Variants in TMOD3 observed in about 807,000 individuals in gnomAD.
The protein encoded by TMOD3 is tropomodulin 3, also known as tropomodulin-3.
Under a neutral mutation model 39.2 loss-of-function variants are expected in TMOD3, and 20 were observed. The ratio of observed to expected loss-of-function variants is 0.51; its 90% CI spans 0.36 to 0.74. The LOEUF (loss-of-function observed/expected upper bound fraction) is 0.74, where lower values mean the gene tolerates loss of function less well. Among genes scored for constraint, TMOD3 ranks in the 30% least tolerant of loss-of-function variants. The pLI is 0.00. For synonymous variants in TMOD3, 143 were observed against 145.8 expected, an observed-to-expected ratio of 0.98 and a Z score of 0.14; for missense variants, 381 against 412.8, an observed-to-expected ratio of 0.92 and a Z score of 0.67.
At chr15:51,862,563 T>C (rs918700419) in intron 1 of TMOD3, among the ~76,000 whole-genome samples, 10 of 152,236 alleles carry the variant, frequency 6.6e-5, no homozygotes, top group Non-Finnish European at 2.9e-5. Context: ...AAATTCTAAA[T>C]TCTATCAAGT....
At chr15:51,859,326 C>A (rs771388842) in intron 1 of TMOD3, 75 of 723,116 alleles carry the variant, frequency 1.0e-4, no homozygotes, top group Non-Finnish European at 1.9e-4. Flanking sequence ...TTCCTTGATA[C>A]AATCCACCCA....
rs1203996591 is a variant in TMOD3, at chr15:51,913,421, T to G, written c.*4611T>G. On this transcript the variant is annotated 3_prime_UTR_variant, in exon 10 of 10. Transcript: ENST00000308580. Reference sequence around the variant, plus strand: ...TTTCAGATTAGGGATGCTGAACTGGTGTAATGCCCAGTATTCCAAAATCCA... The same window carrying G: ...TTTCAGATTAGGGATGCTGAACTGGGGTAATGCCCAGTATTCCAAAATCCA... 6.6e-6 allele frequency: 1 copy of G among 152,202 alleles called. No individual in the cohort carries two copies. Among genetic ancestry groups the G allele is most frequent in the Non-Finnish European group, 1.5e-5 (1 of 68,040 alleles). The allele number at this position is 152,202 out of a possible 1,614,324, so 9.4% of individuals were successfully genotyped here. A position where few individuals can be genotyped will look rare whatever the true frequency, so the allele number is the denominator to read the frequency against.
At chr15:51,891,395 A>C (rs536126128) in intron 5 of TMOD3, among the ~76,000 whole-genome samples, 2 of 152,056 alleles carry the variant, frequency 1.3e-5, no homozygotes, top group Non-Finnish European at 2.9e-5. Flanking sequence ...TGTTAGTTCT[A>C]GTGGCTTGAT....
intron 1 of TMOD3, among the ~76,000 whole-genome samples, chr15:51,840,477 A>G (rs1011939169): frequency 6.6e-6 from 1 of 152,236 alleles, no homozygotes; most frequent in Non-Finnish European, 1.5e-5. Flanking sequence ...TAACAAATTA[A>G]CATATCAATC....
intron 9 of TMOD3, among the ~76,000 whole-genome samples, chr15:51,905,436 G>A (rs947534808): frequency 2.6e-5 from 4 of 151,726 alleles, no homozygotes; most frequent in African/African-American, 4.8e-5. Context: ...GCAGTGAGCC[G>A]AGATTGCACC....
chr15:51,887,579 T>C lies in TMOD3; in HGVS notation c.284-10T>C, dbSNP rs1297476870. On this transcript the variant is annotated splice_polypyrimidine_tract_variant and intron_variant, in intron 3 of 9. Coordinates refer to ENST00000308580, the MANE Select transcript of TMOD3 (RefSeq NM_014547.5). ...TAGTAATGGAATTAACAAAATGCTT[T>C]ATTTTACAGGGAAAATATTTATCCC... is the stretch of plus-strand genomic sequence containing the variant. The C allele has an allele frequency of 6.2e-7, 1 of 1,608,450 alleles. No individual in the cohort carries two copies. The highest frequency in any genetic ancestry group is 1.3e-5 in the African/African-American group (1 of 74,380).
intron 1 of TMOD3, among the ~76,000 whole-genome samples, chr15:51,851,238 C>T (rs1437926075): frequency 6.6e-6 from 1 of 152,144 alleles, no homozygotes; most frequent in Admixed American, 6.5e-5. Context: ...GGGATCATCA[C>T]TACGGTTCCT....
rs1457343270 is a variant in TMOD3, at chr15:51,912,039, T to G, written c.*3229T>G. ...ATATTCGCTCTGGAGAAGTTACATG[T>G]AAATAGAATTCTATAAATTGTTTTC... On this transcript the variant is annotated 3_prime_UTR_variant, in exon 10 of 10. Transcript: ENST00000308580. 6.6e-6 allele frequency: 1 copy of G among 152,238 alleles called. No homozygotes were observed. Among genetic ancestry groups the G allele is most frequent in the Non-Finnish European group, 1.5e-5 (1 of 68,032 alleles). The allele number at this position is 152,238 out of a possible 1,614,324, so 9.4% of individuals were successfully genotyped here.
chr15:51,833,253 T>C (rs966553663), intron 1 of TMOD3: 6 of 152,218 alleles, frequency 3.9e-5, no homozygotes, highest in South Asian at 4.1e-4. Flanking sequence ...AGAATAGAAG[T>C]GTGAATAAAT....
rs2141675172 is a variant in TMOD3, at chr15:51,850,333, G to A, written c.-74-12478G>A. On this transcript the variant is annotated intron_variant, in intron 1 of 9. Coordinates refer to ENST00000308580, the MANE Select transcript of TMOD3 (RefSeq NM_014547.5). The stretch of plus-strand genomic sequence containing the variant: ...GATGGGATCTGGTTCCAAGAGGCAG[G>A]ATTGGCCTTAGGTAAGAGACTGGAC... Among the ~76,000 whole-genome samples, 3 of 152,288 alleles carry A rather than the reference G, an allele frequency of 2.0e-5. 1 individual carries two copies. The Middle Eastern group carries it at 0.01, about 518-fold the overall frequency.
At chr15:51,888,416 A>AG (rs1473785734) in intron 4 of TMOD3, among the ~76,000 whole-genome samples, 1 of 152,228 alleles carries the variant, frequency 6.6e-6, no homozygotes, top group African/African-American at 2.4e-5. Context: ...TTACGGGTTG[A>AG]GGGACTGAAG....
chr15:51,894,055 T>G (rs2056608920), intron 6 of TMOD3, 110 bp downstream of exon 6: 2 of 1,030,370 alleles, frequency 1.9e-6, no homozygotes, highest in African/African-American at 1.6e-5. Flanking sequence ...AACGTAAAGT[T>G]TTTGCTCTTA....
chr15:51,839,983 C>T (rs1022167603), intron 1 of TMOD3, among the ~76,000 whole-genome samples: 1 of 152,012 alleles, frequency 6.6e-6, no homozygotes, highest in Non-Finnish European at 1.5e-5. Context: ...TTACTGAGTC[C>T]CCTTATATTA....
At chr15:51,836,741 AAAG>A (rs761490506) in intron 1 of TMOD3, among the ~76,000 whole-genome samples, 438 of 151,542 alleles carry the variant, frequency 2.9e-3, no homozygotes, top group Non-Finnish European at 4.5e-3. Flanking sequence ...AAAAAAGAAA[AAAG>A]AAAAAAGAAA....
chr15:51,830,354 TC>T (rs1336769510), intron 1 of TMOD3, among the ~76,000 whole-genome samples: 4 of 152,224 alleles, frequency 2.6e-5, no homozygotes, highest in African/African-American at 7.2e-5. Context: ...AGAATTAAGT[TC>T]CTAGCTCCCA....
chr15:51,865,471 A>G (rs991415143), intron 2 of TMOD3, among the ~76,000 whole-genome samples: 3 of 152,086 alleles, frequency 2.0e-5, no homozygotes, highest in African/African-American at 7.2e-5. Flanking sequence ...TCTCCTCCCA[A>G]CTCATGCACT....
rs1391825322 is a variant in TMOD3 at position 51,861,061 on chromosome 15, A to AT, written c.-74-1749dup. ...GAATTCTCAATCTCATCCTTCTTAAATGAATATCCAATGCGTGTTCTTCTC... is the reference window on the plus strand; with the variant it reads ...GAATTCTCAATCTCATCCTTCTTAAATTGAATATCCAATGCGTGTTCTTCTC... On this transcript the variant is annotated intron_variant, in intron 1 of 9. Coordinates refer to ENST00000308580, the MANE Select transcript of TMOD3 (RefSeq NM_014547.5). 8 of 706,352 alleles carry AT rather than the reference A, an allele frequency of 1.1e-5. No homozygotes were observed. In the African/African-American group the frequency reaches 1.2e-4, roughly 11 times the overall value. 43.8% of individuals were successfully genotyped at this position (706,352 alleles called of 1,614,324 possible).
chr15:51,854,850 A>G (rs1465891475), intron 1 of TMOD3, among the ~76,000 whole-genome samples: 1 of 152,246 alleles, frequency 6.6e-6, no homozygotes, highest in Non-Finnish European at 1.5e-5. Context: ...AATTATTCTT[A>G]TAGAAAGCTA....
intron 7 of TMOD3, among the ~76,000 whole-genome samples, chr15:51,896,967 A>C (rs1226842481): frequency 6.6e-6 from 1 of 152,140 alleles, no homozygotes; most frequent in Non-Finnish European, 1.5e-5. Flanking sequence ...TTATTCTGTC[A>C]ATGTGGTGTA....
Sources: allele counts gnomAD v4.1 joint callset (sites outside exome capture counted in the v4.1 genomes callset), GRCh38; gene constraint gnomAD v4.1.1; transcripts MANE v1.5; gene names NCBI Gene and HGNC (gene_info 2026-07-23, HGNC 2026-07-21).